Variants in C22orf31 observed in about 807,000 individuals in gnomAD.
C22orf31 encodes the protein uncharacterized protein C22orf31.
A neutral mutation model predicts 15.0 loss-of-function variants in C22orf31; 11 were observed. The ratio of observed to expected loss-of-function variants is 0.73; its 90% confidence interval spans 0.46 to 1.21. The LOEUF (loss-of-function observed/expected upper bound fraction) is 1.21. C22orf31 is among the 50% of genes most tolerant of loss of function. C22orf31 has a pLI of 0.00. For missense variants in C22orf31, 340 were observed against 347.2 expected, an observed-to-expected ratio of 0.98 and a Z score of 0.17; for synonymous variants, 132 against 133.3, an observed-to-expected ratio of 0.99 and a Z score of 0.07.
chr22:29,073,243 C>T, the C22orf31 span: 2 of 1,095,806 alleles, frequency 1.8e-6, no homozygotes, highest in Admixed American at 9.3e-5. This position sits in a 1 kb window ranked among gnomAD's most constrained non-coding sequence, Gnocchi z 4.4. Flanking sequence ...TGTGAGCGAC[C>T]CCCCGCCGCC....
In C22orf31 at chr22:29,059,058, C is replaced by T. The variant is rs770345617; in HGVS notation, c.557G>A (p.Arg186Gln). ...CTTTTGGGTTTCAGGAAGCAACACT[C>T]GGCCCTTCCAGGCTGCTGTCCCACT... ...QDSGTAAWKG[R>Q]VLLPETQKRQ... The change falls in exon 3 of 3, where the codon CGA (arginine) becomes CAA (glutamine). Residue 186 changes from arginine to glutamine, a missense_variant. By Grantham distance (43) the Arg-to-Gln change is conservative (BLOSUM62 1). Transcript: ENST00000216071. The T allele has an allele frequency of 9.9e-6, 16 of 1,614,092 alleles. No individual in the cohort carries two copies. The highest frequency in any genetic ancestry group is 1.4e-5 in the Non-Finnish European group (16 of 1,180,036).
intron 2 of C22orf31, chr22:29,059,866 C>T: frequency 1.0e-6 from 1 of 985,248 alleles, no homozygotes; most frequent in Non-Finnish European, 1.2e-6. Flanking sequence ...TGAAAGCCAC[C>T]TCATCCTTCT....
At chr22:29,067,425 T>A in the C22orf31 span, among the ~76,000 whole-genome samples, 1 of 151,890 alleles carries the variant, frequency 6.6e-6, no homozygotes, top group Non-Finnish European at 1.5e-5. Flanking sequence ...TTATTATTAT[T>A]AATTTTCTTT....
At chr22:29,062,534 T>G (rs539474716), upstream of C22orf31, among the ~76,000 whole-genome samples, 91 of 152,286 alleles carry the variant, frequency 6.0e-4, no homozygotes, top group Middle Eastern at 0.027. Context: ...AATGCCTCAC[T>G]GCTTATCAGG....
intron 2 of C22orf31, among the ~76,000 whole-genome samples, chr22:29,059,516 CA>C (rs937868053): frequency 6.6e-6 from 1 of 152,196 alleles, no homozygotes; most frequent in Non-Finnish European, 1.5e-5. Flanking sequence ...AAGCCTTTTG[CA>C]TGTATTATTT....
chr22:29,061,878 T>C (rs140181539), upstream of C22orf31: 64 of 1,127,386 alleles, frequency 5.7e-5, no homozygotes, highest in East Asian at 6.8e-4. Flanking sequence ...CTCTCTCTCT[T>C]TTTTTTTGTT....
At chr22:29,059,234 CAG>C (rs1326981995) in intron 2 of C22orf31, 52 bp from the exon 3 acceptor site, 1 of 1,321,276 alleles carries the variant, frequency 7.6e-7, no homozygotes, top group East Asian at 2.3e-5. Context: ...GAGGGGAGCT[CAG>C]AATAATTATC....
At chr22:29,066,544 T>C (rs965342765), upstream of C22orf31, among the ~76,000 whole-genome samples, 28 of 9,826 alleles carry the variant, frequency 2.8e-3, no homozygotes, top group African/African-American at 0.011. Flanking sequence ...CTTTTCTTTT[T>C]TTTTTTTTTT....
At chr22:29,059,979 C>T in intron 2 of C22orf31, 1 of 942,102 alleles carries the variant, frequency 1.1e-6, no homozygotes, top group Non-Finnish European at 1.3e-6. Flanking sequence ...CTGTCTTCAA[C>T]TTTAGGATTT....
chr22:29,068,488 GC>G, the C22orf31 span, among the ~76,000 whole-genome samples: 1 of 148,188 alleles, frequency 6.7e-6, no homozygotes, highest in Admixed American at 6.8e-5. Context: ...TTGGCTCACT[GC>G]AACCTCTGCC....
upstream of C22orf31, among the ~76,000 whole-genome samples, chr22:29,062,050 C>T (rs2037397048): frequency 6.6e-6 from 1 of 152,108 alleles, no homozygotes; most frequent in Non-Finnish European, 1.5e-5. Flanking sequence ...GTGGGTGTTA[C>T]ATCATCAGAT....
At chr22:29,059,734 A>C in intron 2 of C22orf31, 1 of 985,342 alleles carries the variant, frequency 1.0e-6, no homozygotes, top group Non-Finnish European at 1.2e-6. Context: ...GGACGCTCAC[A>C]ATCCAGATCC....
chr22:29,060,577 G>A lies in C22orf31; in HGVS notation c.270C>T (p.Cys90=). The change falls in exon 2 of 3, where the codon TGC becomes TGT. Residue 90 remains cysteine (C), a synonymous_variant. Transcript: ENST00000216071. ...VLRRQLKNKC[C]PPPCKFGEGK... ...CTTCTCCAAACTTGCATGGTGGTGG[G>A]CAGCACTTATTCTTCAGTTGCCGCC... is the stretch of plus-strand genomic sequence containing the variant. 6.2e-7 allele frequency: 1 copy of A among 1,614,168 alleles called. No homozygotes were observed. The highest frequency in any genetic ancestry group is 8.5e-7 in the Non-Finnish European group (1 of 1,180,044).
Position 29,058,883 on chromosome 22 carries a change from T to C in C22orf31, c.732A>G (p.Lys244=). 6.2e-7 allele frequency: 1 copy of C among 1,614,184 alleles called. No individual in the cohort carries two copies. Among genetic ancestry groups the C allele is most frequent in the Non-Finnish European group, 8.5e-7 (1 of 1,180,028 alleles). ...RYSLELGKAI[K]QKLWEALCSQ... is the part of the protein sequence containing the mutation. ...TGCAAAGAGCCTCCCAGAGCTTTTG[T>C]TTAATGGCCTTGCCCAGCTCCAGGC... Residue 244 remains lysine, a synonymous_variant, in exon 3 of 3, where the codon AAA becomes AAG. Coordinates refer to ENST00000216071, the MANE Select transcript of C22orf31 (RefSeq NM_015370.2).
chr22:29,072,139 TTTTTTG>T, the C22orf31 span, among the ~76,000 whole-genome samples: 682 of 152,146 alleles, frequency 4.5e-3, 4 homozygotes, highest in African/African-American at 0.015. Context: ...GTTTTGGTTT[TTTTTTG>T]TTTTTGTTTT....
intron 1 of C22orf31, 100 bp from the exon 2 acceptor site, chr22:29,060,943 G>A: frequency 1.0e-6 from 1 of 982,230 alleles, no homozygotes; most frequent in Non-Finnish European, 1.5e-6. Flanking sequence ...TCTTTTTATA[G>A]GCCATTCCTT....
the C22orf31 span, among the ~76,000 whole-genome samples, chr22:29,067,558 G>C: frequency 6.6e-6 from 1 of 151,982 alleles, no homozygotes; most frequent in South Asian, 2.1e-4. Flanking sequence ...TGAACCCTGC[G>C]TTAGCCTTCC....
the C22orf31 span, among the ~76,000 whole-genome samples, chr22:29,069,093 T>A: frequency 6.6e-6 from 1 of 151,928 alleles, no homozygotes; most frequent in Non-Finnish European, 1.5e-5. Context: ...AAGACTAGGG[T>A]TCCACTGCCT....
rs139772614 is a variant in C22orf31 at position 29,060,242 on chromosome 22, G to A, written c.432+173C>T. 5.9e-3 allele frequency among the ~76,000 whole-genome samples: 874 copies of A among 149,052 alleles called. 12 individuals carry two copies. Among genetic ancestry groups the A allele is most frequent in the African/African-American group, 0.021 (832 of 40,170 alleles). The stretch of plus-strand genomic sequence containing the variant: ...AGATGAGGTCTCCCTATGTTGCCCA[G>A]GCTGGTCTTGAACTCTCTGAGCTCA... On this transcript the variant is annotated intron_variant, in intron 2 of 2. Coordinates refer to ENST00000216071, the MANE Select transcript of C22orf31 (RefSeq NM_015370.2).
Sources: allele counts gnomAD v4.1 joint callset (sites outside exome capture counted in the v4.1 genomes callset), GRCh38; gene constraint gnomAD v4.1.1; non-coding constraint Gnocchi (gnomAD v3.1); transcripts MANE v1.5; gene names NCBI Gene and HGNC (gene_info 2026-07-23, HGNC 2026-07-21).